Variants in KIAA1217 observed in about 807,000 individuals in gnomAD.
KIAA1217 encodes the protein KIAA1217, also known as sickle tail protein homolog.
KIAA1217 carries 88 observed loss-of-function variants against 163.9 expected under a neutral mutation model. The observed-to-expected ratio is 0.54, with a 90% CI of 0.45 to 0.64. The LOEUF (loss-of-function observed/expected upper bound fraction) is 0.64. Ranked by LOEUF, KIAA1217 falls within the 30% of genes least tolerant of loss-of-function variation. The pLI is 0.00. For missense variants in KIAA1217, 2,372 were observed against 2,475.0 expected, an observed-to-expected ratio of 0.96 and a Z score of 0.88; for synonymous variants, 903 against 923.1, an observed-to-expected ratio of 0.98 and a Z score of 0.39.
At position 24,473,833 on chromosome 10, in the gene KIAA1217, A is replaced by C. The variant is rs781147198; in HGVS notation, c.1452A>C (p.Ile484=). The part of the protein sequence containing the change: ...SPHRVSDLRM[I]DMHAHYNAHG... ...ACAGAGTCAGTGACCTGAGGATGATAGACATGCACGCTCACTATAATGCCC... is the reference window on the plus strand; with the variant it reads ...ACAGAGTCAGTGACCTGAGGATGATCGACATGCACGCTCACTATAATGCCC... The change falls in exon 6 of 21, where the codon ATA becomes ATC. Residue 484 remains isoleucine (I), a synonymous_variant. Coordinates refer to ENST00000376454, the MANE Select transcript of KIAA1217 (RefSeq NM_019590.5). 1 of 1,614,152 alleles carries C rather than the reference A, an allele frequency of 6.2e-7. No homozygotes were observed. The highest frequency in any genetic ancestry group is 1.1e-5 in the South Asian group (1 of 91,072).
intron 1 of KIAA1217, among the ~76,000 whole-genome samples, chr10:23,985,801 C>G (rs1468516600): frequency 6.6e-6 from 1 of 152,148 alleles, no homozygotes; most frequent in Non-Finnish European, 1.5e-5. Context: ...TTCCTTTCTT[C>G]TCATAAAGCC....
At chr10:23,825,100 T>C (rs1212174849) in intron 1 of KIAA1217, among the ~76,000 whole-genome samples, 1 of 152,208 alleles carries the variant, frequency 6.6e-6, no homozygotes, top group Non-Finnish European at 1.5e-5. Context: ...AAGTTTCCAA[T>C]TCCTGCACGC....
chr10:24,412,484 G>A (rs1437658238), intron 3 of KIAA1217, among the ~76,000 whole-genome samples: 7 of 152,086 alleles, frequency 4.6e-5, no homozygotes, highest in Non-Finnish European at 1.0e-4. Flanking sequence ...CACAGAACTC[G>A]GGTCCAGGTC....
intron 2 of KIAA1217, among the ~76,000 whole-genome samples, chr10:24,018,780 A>C (rs774227398): frequency 5.3e-5 from 8 of 152,088 alleles, no homozygotes; most frequent in Non-Finnish European, 1.2e-4. Flanking sequence ...AGCACTATTC[A>C]CCATAGCCAT....
intron 1 of KIAA1217, among the ~76,000 whole-genome samples, chr10:23,870,304 G>C (rs1268595253): frequency 6.6e-6 from 1 of 151,984 alleles, no homozygotes; most frequent in Non-Finnish European, 1.5e-5. Flanking sequence ...TGTTTTTCCT[G>C]CTCACTGCTT....
At chr10:24,069,317 C>T (rs1319147291) in intron 2 of KIAA1217, among the ~76,000 whole-genome samples, 1 of 152,116 alleles carries the variant, frequency 6.6e-6, no homozygotes, top group East Asian at 1.9e-4. Flanking sequence ...AGTGGGTTTT[C>T]GTTTTTGTTT....
chr10:24,228,249 G>A (rs908257862), intron 2 of KIAA1217, among the ~76,000 whole-genome samples: 1 of 151,978 alleles, frequency 6.6e-6, no homozygotes, highest in African/African-American at 2.4e-5. Context: ...GCAGCAGAAC[G>A]AGACCCCTTC....
chr10:23,972,444 G>T (rs1845353749), intron 1 of KIAA1217, among the ~76,000 whole-genome samples: 1 of 152,038 alleles, frequency 6.6e-6, no homozygotes, highest in African/African-American at 2.4e-5. Flanking sequence ...AAAAACGTAT[G>T]AGATCATGTC....
chr10:24,189,993 C>T (rs2066637009), intron 2 of KIAA1217, among the ~76,000 whole-genome samples: 1 of 150,616 alleles, frequency 6.6e-6, no homozygotes, highest in Non-Finnish European at 1.5e-5. Context: ...TGTGCTCCAG[C>T]CTGGGTGACA....
At chr10:24,141,558 A>G (rs1025339132) in intron 2 of KIAA1217, among the ~76,000 whole-genome samples, 1 of 152,148 alleles carries the variant, frequency 6.6e-6, no homozygotes, top group Non-Finnish European at 1.5e-5. Context: ...TCCTGGGCCC[A>G]CCCCTAAATT....
chr10:24,128,135 T>G (rs746595326), intron 2 of KIAA1217, among the ~76,000 whole-genome samples: 101 of 152,352 alleles, frequency 6.6e-4, no homozygotes, highest in Non-Finnish European at 1.2e-3. Flanking sequence ...AGCTGCATGA[T>G]GAGAGCGGAG....
At chr10:24,284,198 G>A (rs772008633) in intron 2 of KIAA1217, among the ~76,000 whole-genome samples, 3 of 152,074 alleles carry the variant, frequency 2.0e-5, no homozygotes, top group Admixed American at 1.3e-4. Flanking sequence ...GTGAGCTACC[G>A]TACCCAGCTG....
At chr10:24,428,725 T>TAA (rs35677878) in intron 3 of KIAA1217, among the ~76,000 whole-genome samples, 1 of 144,848 alleles carries the variant, frequency 6.9e-6, no homozygotes, top group Non-Finnish European at 1.5e-5. Flanking sequence ...ACAACAAACT[T>TAA]AAAAAAAAAA....
chr10:24,259,461 C>T (rs1033376237), intron 2 of KIAA1217, among the ~76,000 whole-genome samples: 1 of 152,028 alleles, frequency 6.6e-6, no homozygotes, highest in African/African-American at 2.4e-5. Context: ...AAAACAACAA[C>T]AAAATTACCT....
intron 1 of KIAA1217, among the ~76,000 whole-genome samples, chr10:23,746,816 CA>C (rs1839442464): frequency 6.6e-6 from 1 of 151,834 alleles, no homozygotes; most frequent in Non-Finnish European, 1.5e-5. Context: ...GTTGGTGGGA[CA>C]AAATGATTTG....
At position 24,090,332 on chromosome 10, in the gene KIAA1217, C is replaced by CTTT. The variant is rs35966270; in HGVS notation, c.-171+82984_-171+82986dup. Among the ~76,000 whole-genome samples, 128 of 58,940 alleles carry CTTT rather than the reference C, an allele frequency of 2.2e-3. 24 individuals carry two copies. The highest frequency in any genetic ancestry group is 0.014 in the African/African-American group (121 of 8,550). The allele number at this position is 58,940 out of a possible 152,430, so 38.7% of individuals were successfully genotyped here. A position where few individuals can be genotyped will look rare whatever the true frequency, so the allele number is the denominator to read the frequency against. ...CAGGCATGCACCCTCACATCCTGCT[C>CTTT]TTTTTTTTTTTTTTTTTTTTTTTTT... On this transcript the variant is annotated intron_variant, in intron 2 of 18. Coordinates refer to the KIAA1217 transcript ENST00000376462.
At chr10:23,964,105 T>C (rs1163762338) in intron 1 of KIAA1217, among the ~76,000 whole-genome samples, 2 of 152,014 alleles carry the variant, frequency 1.3e-5, no homozygotes, top group African/African-American at 4.8e-5. Flanking sequence ...GGTTTCACCA[T>C]GTTGGCTAGG....
At chr10:23,824,474 A>G (rs569164876) in intron 1 of KIAA1217, among the ~76,000 whole-genome samples, 61 of 148,704 alleles carry the variant, frequency 4.1e-4, no homozygotes, top group African/African-American at 1.5e-3. Flanking sequence ...CTAAAAATAC[A>G]AAAATTAGCT....
At chr10:23,739,266 A>G (rs779949639) in intron 1 of KIAA1217, among the ~76,000 whole-genome samples, 36 of 151,234 alleles carry the variant, frequency 2.4e-4, no homozygotes, top group Admixed American at 1.8e-3. Context: ...GTGATGAGAA[A>G]TGACTTAATA....
Sources: allele counts gnomAD v4.1 joint callset (sites outside exome capture counted in the v4.1 genomes callset), GRCh38; gene constraint gnomAD v4.1.1; transcripts MANE v1.5; gene names NCBI Gene and HGNC (gene_info 2026-07-23, HGNC 2026-07-21).